ERBB4: variants seen among roughly 807,000 people sequenced by gnomAD.
ERBB4 encodes the protein erb-b2 receptor tyrosine kinase 4.
In ERBB4, 42 loss-of-function variants were observed where a neutral mutation model predicts 158.0. That is an observed-to-expected ratio of 0.27 (90% CI 0.21 to 0.34). The LOEUF (loss-of-function observed/expected upper bound fraction) is 0.34, where lower values mean the gene tolerates loss of function less well. Among genes scored for constraint, ERBB4 ranks in the 10% least tolerant of loss-of-function variants. The pLI is 1.00. For missense variants in ERBB4, 1,333 were observed against 1,624.1 expected (o/e 0.82, Z 3.08); for synonymous variants, 583 against 558.7 (o/e 1.04, Z -0.61).
intron 2 of ERBB4, among the ~76,000 whole-genome samples, chr2:212,035,977 A>G (rs2077003092): frequency 6.6e-6 from 1 of 152,146 alleles, no homozygotes; most frequent in Non-Finnish European, 1.5e-5. Context: ...GTACATATGA[A>G]CTCTACCTGG....
intron 25 of ERBB4, among the ~76,000 whole-genome samples, chr2:211,396,865 T>G (rs1441015731): frequency 6.6e-6 from 1 of 152,208 alleles, no homozygotes; most frequent in Non-Finnish European, 1.5e-5. Flanking sequence ...TTCATCCAAC[T>G]ACTGCTCTTT....
chr2:211,555,438 G>A (rs1465278916), intron 20 of ERBB4, among the ~76,000 whole-genome samples: 1 of 152,154 alleles, frequency 6.6e-6, no homozygotes, highest in African/African-American at 2.4e-5. Flanking sequence ...ATCCGCCTCG[G>A]CCTCCCAAAG....
chr2:212,489,363 A>G (rs1350185922), intron 1 of ERBB4, among the ~76,000 whole-genome samples: 2 of 151,926 alleles, frequency 1.3e-5, no homozygotes, highest in Non-Finnish European at 2.9e-5. Context: ...AAACCTCACT[A>G]AATAAGAAGG....
chr2:211,854,451 A>G (rs2077801012), intron 3 of ERBB4, among the ~76,000 whole-genome samples: 1 of 152,160 alleles, frequency 6.6e-6, no homozygotes, highest in South Asian at 2.1e-4. Context: ...AAACACAGTC[A>G]GTGCTGAGTT....
chr2:211,630,377 T>A, intron 17 of ERBB4, 85 bp downstream of exon 17: 1 of 1,502,868 alleles, frequency 6.7e-7, no homozygotes, highest in East Asian at 2.3e-5. Flanking sequence ...GAATTTTACT[T>A]GGATTAAATA....
chr2:211,866,416 C>T (rs2078207028), intron 3 of ERBB4, among the ~76,000 whole-genome samples: 1 of 151,908 alleles, frequency 6.6e-6, no homozygotes, highest in South Asian at 2.1e-4. Flanking sequence ...ACCATGCCTG[C>T]CTTAAATGTT....
chr2:212,058,805 C>T (rs1293590868), intron 2 of ERBB4, among the ~76,000 whole-genome samples: 2 of 152,056 alleles, frequency 1.3e-5, no homozygotes, highest in Non-Finnish European at 2.9e-5. Context: ...ATAATAAGAG[C>T]TTTTTATGAC....
intron 1 of ERBB4, among the ~76,000 whole-genome samples, chr2:212,362,400 C>T (rs923690714): frequency 4.0e-5 from 6 of 151,306 alleles, no homozygotes; most frequent in Non-Finnish European, 7.4e-5. Context: ...CATATACTCA[C>T]ACATTATATT....
Position 211,978,396 on chromosome 2 carries a change from G to GTCTTTCTATCTA in ERBB4, c.235-30781_235-30780insTAGATAGAAAGA, listed in dbSNP as rs77259627. Among the ~76,000 whole-genome samples the GTCTTTCTATCTA allele has an allele frequency of 9.6e-3, 1,318 of 136,640 alleles. 10 individuals carry two copies. Among genetic ancestry groups the GTCTTTCTATCTA allele is most frequent in the African/African-American group, 0.02 (695 of 35,274 alleles). The allele number at this position is 136,640 out of a possible 152,430, so 89.6% of individuals were successfully genotyped here. A position where few individuals can be genotyped will look rare whatever the true frequency, so the allele number is the denominator to read the frequency against. The stretch of plus-strand genomic sequence containing the variant: ...TGTCTGTCTGTCTGTCTGTCTGTCT[G>GTCTTTCTATCTA]TCTATCTATCTATCTATCTATCTAT... On this transcript the variant is annotated intron_variant, in intron 2 of 27. Coordinates refer to ENST00000342788, the MANE Select transcript of ERBB4 (RefSeq NM_005235.3).
intron 2 of ERBB4, among the ~76,000 whole-genome samples, chr2:212,108,867 G>T (rs779595205): frequency 1.2e-4 from 19 of 152,118 alleles, no homozygotes; most frequent in Non-Finnish European, 2.6e-4. Context: ...ATGAAATCTT[G>T]TCCCTCCTTT....
At chr2:212,057,945 G>A (rs1038932236) in intron 2 of ERBB4, among the ~76,000 whole-genome samples, 3 of 152,146 alleles carry the variant, frequency 2.0e-5, no homozygotes, top group African/African-American at 7.2e-5. Context: ...CAGAACTGAA[G>A]GAGATAGAGA....
intron 2 of ERBB4, among the ~76,000 whole-genome samples, chr2:212,058,659 A>G (rs2077659592): frequency 6.6e-6 from 1 of 152,164 alleles, no homozygotes; most frequent in African/African-American, 2.4e-5. Context: ...TCAACGTAAT[A>G]CAGCATATAA....
chr2:212,386,818 A>T (rs1369266945), intron 1 of ERBB4, among the ~76,000 whole-genome samples: 1 of 152,064 alleles, frequency 6.6e-6, no homozygotes, highest in African/African-American at 2.4e-5. Flanking sequence ...AATACTAACC[A>T]TATATTTTAA....
At chr2:212,421,573 G>T (rs1333908750) in intron 1 of ERBB4, among the ~76,000 whole-genome samples, 1 of 152,108 alleles carries the variant, frequency 6.6e-6, no homozygotes, top group East Asian at 1.9e-4. Flanking sequence ...TTGTCAGTAA[G>T]AATGAGGAAT....
At chr2:212,422,083 A>G (rs2091805113) in intron 1 of ERBB4, among the ~76,000 whole-genome samples, 1 of 152,216 alleles carries the variant, frequency 6.6e-6, no homozygotes, top group Non-Finnish European at 1.5e-5. Flanking sequence ...ATTGAAAAGT[A>G]TCCCAGATTT....
intron 1 of ERBB4, among the ~76,000 whole-genome samples, chr2:212,149,354 G>C (rs1284806668): frequency 1.3e-5 from 2 of 152,108 alleles, no homozygotes; most frequent in East Asian, 3.9e-4. Context: ...CTCGTCACAT[G>C]TACTCTTTTT....
At chr2:211,862,654 G>A (rs11896997) in intron 3 of ERBB4, among the ~76,000 whole-genome samples, 32,374 of 152,062 alleles carry the variant, frequency 0.21, 3,615 homozygotes, top group South Asian at 0.33. Context: ...ATATAGTAAA[G>A]ATACTTTGCT....
At chr2:211,964,384 T>G (rs2081259606) in intron 2 of ERBB4, among the ~76,000 whole-genome samples, 1 of 152,182 alleles carries the variant, frequency 6.6e-6, no homozygotes, top group Admixed American at 6.5e-5. Flanking sequence ...CTGAAGCAAT[T>G]TGCTAACTTT....
intron 1 of ERBB4, among the ~76,000 whole-genome samples, chr2:212,126,488 G>T (rs1353444390): frequency 2.7e-5 from 4 of 146,732 alleles, no homozygotes; most frequent in Admixed American, 6.9e-5. Context: ...AAAAAAAATT[G>T]TGTGTGACTT....
Sources: allele counts gnomAD v4.1 joint callset (sites outside exome capture counted in the v4.1 genomes callset), GRCh38; gene constraint gnomAD v4.1.1; transcripts MANE v1.5; gene names NCBI Gene and HGNC (gene_info 2026-07-23, HGNC 2026-07-21).